The following PARD3B variants were observed in gnomAD, a reference collection of about 807,000 sequenced individuals.
PARD3B encodes par-3 family cell polarity regulator beta.
A neutral mutation model predicts 130.2 loss-of-function variants in PARD3B; 103 were observed. The observed-to-expected ratio is 0.79, with a 90% confidence interval of 0.67 to 0.93. PARD3B has a LOEUF of 0.93. PARD3B is among the 40% of genes least tolerant of loss of function. PARD3B has a pLI of 0.00. For missense variants in PARD3B, 1,609 were observed against 1,499.2 expected (o/e 1.07, Z -1.21); for synonymous variants, 583 against 553.2 (o/e 1.05, Z -0.76).
chr2:205,514,583 C>CAGAT (rs142408833), intron 21 of PARD3B, among the ~76,000 whole-genome samples: 2 of 146,028 alleles, frequency 1.4e-5, no homozygotes, highest in African/African-American at 2.5e-5. Context: ...CATATCAATA[C>CAGAT]AGATAGATAC....
At chr2:205,092,420 T>TTATATTATTTA in intron 4 of PARD3B, among the ~76,000 whole-genome samples, 1 of 152,130 alleles carries the variant, frequency 6.6e-6, no homozygotes, top group South Asian at 2.1e-4. Context: ...GTCATTTACA[T>TTATATTATTTA]CAAGGTAGCA....
chr2:204,581,465 TA>T, intron 1 of PARD3B, among the ~76,000 whole-genome samples: 1 of 152,294 alleles, frequency 6.6e-6, no homozygotes, highest in South Asian at 2.1e-4. Flanking sequence ...ATTTTTTTTT[TA>T]TTTTTTTAAA....
chr2:204,882,616 G>A (rs977299916), intron 2 of PARD3B, among the ~76,000 whole-genome samples: 12 of 152,058 alleles, frequency 7.9e-5, no homozygotes, highest in Admixed American at 5.2e-4. Flanking sequence ...TGGTTCTATG[G>A]GCTACAAACA....
intron 21 of PARD3B, among the ~76,000 whole-genome samples, chr2:205,505,832 T>G (rs1420363606): frequency 6.6e-6 from 1 of 152,208 alleles, no homozygotes; most frequent in Non-Finnish European, 1.5e-5. Context: ...TATTATTGTC[T>G]TTTTCAAGAG....
chr2:204,804,208 G>A (rs970403257), intron 2 of PARD3B, among the ~76,000 whole-genome samples: 1 of 152,014 alleles, frequency 6.6e-6, no homozygotes, highest in Non-Finnish European at 1.5e-5. Context: ...CAGCCTAGGC[G>A]ACAGAGTAAG....
chr2:205,506,356 A>G (rs1430749261), intron 21 of PARD3B, among the ~76,000 whole-genome samples: 2 of 145,240 alleles, frequency 1.4e-5, no homozygotes, highest in African/African-American at 2.5e-5. Context: ...CAAAAACAAA[A>G]ATTGTGCTAT....
chr2:204,774,839 T>C (rs932240327), intron 2 of PARD3B, among the ~76,000 whole-genome samples: 1 of 152,122 alleles, frequency 6.6e-6, no homozygotes, highest in African/African-American at 2.4e-5. Context: ...ATTTCAGTAT[T>C]ACTCTTCAGT....
intron 2 of PARD3B, among the ~76,000 whole-genome samples, chr2:204,770,686 C>T (rs564434808): frequency 4.6e-5 from 7 of 151,958 alleles, no homozygotes; most frequent in Admixed American, 2.0e-4. Flanking sequence ...TTTTTATTTC[C>T]CTCCTCCTTT....
intron 18 of PARD3B, among the ~76,000 whole-genome samples, chr2:205,308,438 C>T (rs918900226): frequency 3.3e-5 from 5 of 151,976 alleles, no homozygotes; most frequent in Non-Finnish European, 7.4e-5. Context: ...AACCCCGTCT[C>T]TACTAAAAAA....
chr2:204,583,622 TAAA>T (rs1183973275), intron 1 of PARD3B, among the ~76,000 whole-genome samples: 29 of 70,750 alleles, frequency 4.1e-4, no homozygotes, highest in African/African-American at 1.1e-3. Flanking sequence ...ACTTAAAGTA[TAAA>T]AAAAAAAAAA....
intron 15 of PARD3B, among the ~76,000 whole-genome samples, chr2:205,237,301 C>T (rs899233804): frequency 1.3e-5 from 2 of 152,082 alleles, no homozygotes; most frequent in African/African-American, 4.8e-5. Context: ...GGGGTTTCAC[C>T]ATGTTGACCA....
At chr2:204,723,423 C>A (rs563579260) in intron 2 of PARD3B, among the ~76,000 whole-genome samples, 14 of 152,130 alleles carry the variant, frequency 9.2e-5, no homozygotes, top group Non-Finnish European at 1.5e-4. Context: ...CAACTGTATT[C>A]TTTCAAATTT....
chr2:204,864,551 A>G (rs533195578), intron 2 of PARD3B, among the ~76,000 whole-genome samples: 62 of 152,272 alleles, frequency 4.1e-4, no homozygotes, highest in Admixed American at 1.2e-3. Flanking sequence ...AAGTCCCCCT[A>G]TTCAAAGAGT....
intron 3 of PARD3B, among the ~76,000 whole-genome samples, chr2:205,046,373 T>A (rs539447255): frequency 6.6e-6 from 1 of 152,104 alleles, no homozygotes; most frequent in African/African-American, 2.4e-5. Flanking sequence ...AATGTAGTGA[T>A]GTCTCTTAAT....
intron 1 of PARD3B, among the ~76,000 whole-genome samples, chr2:204,553,667 T>TATATATCC (rs2030679681): frequency 3.1e-5 from 1 of 32,324 alleles, no homozygotes; most frequent in East Asian, 2.3e-3. Context: ...TATATATATA[T>TATATATCC]ATATATATAT....
intron 4 of PARD3B, among the ~76,000 whole-genome samples, chr2:205,055,281 T>C (rs931063013): frequency 5.9e-5 from 9 of 152,206 alleles, no homozygotes; most frequent in African/African-American, 2.2e-4. Flanking sequence ...TAAAGATTTC[T>C]CCTTCTAAAT....
intron 4 of PARD3B, among the ~76,000 whole-genome samples, chr2:205,060,545 A>G (rs376939466): frequency 2.2e-4 from 34 of 152,214 alleles, no homozygotes; most frequent in African/African-American, 7.7e-4. Context: ...AGCAAGTGTA[A>G]TTTAGTTCTG....
chr2:205,616,592 C>CA lies in PARD3B; in HGVS notation c.*781dup, dbSNP rs1359859012. On this transcript the variant is annotated 3_prime_UTR_variant, in exon 23 of 23. Transcript: ENST00000406610. ...CTAAGGTGATCAGGTTAAGAGGGTT[C>CA]AACATCCCACGGCCCTCACCTTCCT... 6.6e-6 allele frequency: 1 copy of CA among 152,182 alleles called. No individual in the cohort carries two copies. The highest frequency in any genetic ancestry group is 1.5e-5 in the Non-Finnish European group (1 of 68,048). 9.4% of individuals were successfully genotyped at this position (152,182 alleles called of 1,614,324 possible). A position where few individuals can be genotyped will look rare whatever the true frequency, so the allele number is the denominator to read the frequency against.
At chr2:204,894,118 T>C (rs1375015440) in intron 2 of PARD3B, among the ~76,000 whole-genome samples, 1 of 152,144 alleles carries the variant, frequency 6.6e-6, no homozygotes, top group African/African-American at 2.4e-5. Context: ...TGAAATGGGT[T>C]TAATGTCATT....
Sources: allele counts gnomAD v4.1 joint callset (sites outside exome capture counted in the v4.1 genomes callset), GRCh38; gene constraint gnomAD v4.1.1; transcripts MANE v1.5; gene names NCBI Gene and HGNC (gene_info 2026-07-23, HGNC 2026-07-21).